Variants in DNAH17 observed in about 807,000 individuals in gnomAD.
DNAH17 encodes the protein dynein axonemal heavy chain 17.
In DNAH17, 376 loss-of-function variants were observed where a neutral mutation model predicts 485.6. The ratio of observed to expected loss-of-function variants is 0.77; its 90% confidence interval spans 0.71 to 0.84. The LOEUF (loss-of-function observed/expected upper bound fraction) is 0.84, where lower values mean the gene tolerates loss of function less well. DNAH17 is among the 40% of genes least tolerant of loss of function. The probability of loss-of-function intolerance (pLI) is 0.00; values close to 1 mark genes in which losing one functional copy is unlikely to be tolerated. For synonymous variants in DNAH17, 3,031 were observed against 2,405.9 expected (o/e 1.26, Z -7.60); for missense variants, 6,370 against 5,839.3 (o/e 1.09, Z -2.96).
At chr17:78,466,284 C>T (rs564969452) in intron 56 of DNAH17, among the ~76,000 whole-genome samples, 6 of 152,274 alleles carry the variant, frequency 3.9e-5, no homozygotes, top group Admixed American at 1.3e-4. Context: ...CCCAGGGACA[C>T]AAACACTGCC....
intron 69 of DNAH17, among the ~76,000 whole-genome samples, chr17:78,446,358 C>T (rs2087300210): frequency 6.6e-6 from 1 of 152,026 alleles, no homozygotes; most frequent in Admixed American, 6.6e-5. Flanking sequence ...GAGAGCTGCT[C>T]ATCTGCCTTC....
intron 17 of DNAH17, among the ~76,000 whole-genome samples, chr17:78,542,429 T>A (rs1185244857): frequency 1.3e-5 from 2 of 152,192 alleles, no homozygotes; most frequent in African/African-American, 4.8e-5. Flanking sequence ...ACTACCAGCG[T>A]GAGCCACTAC....
intron 16 of DNAH17, among the ~76,000 whole-genome samples, chr17:78,549,847 ACCTGCTGCGGCC>A (rs1466144827): frequency 6.6e-6 from 1 of 152,074 alleles, no homozygotes; most frequent in Non-Finnish European, 1.5e-5. Context: ...GAGACCCTGC[ACCTGCTGCGGCC>A]CCTGCTGAAG....
At position 78,502,962 on chromosome 17, in the gene DNAH17, C is replaced by T. The variant is rs747387508; in HGVS notation, c.5006G>A (p.Arg1669Gln). ...RVLDRMCSTLRHEIPEAVVTY... is the reference protein window; with the variant it reads ...RVLDRMCSTLQHEIPEAVVTY... ...CACCACGGCCTCTGGGATTTCGTGC[C>T]GGAGGGTAGAGCACATTCGGTCCAG... The change falls in exon 32 of 81, where the codon CGG (arginine) becomes CAG (glutamine). Residue 1669 changes from arginine (R) to glutamine (Q), a missense_variant. Transcript: ENST00000389840. 1.5e-5 allele frequency: 24 copies of T among 1,613,738 alleles called. No homozygotes were observed. Among genetic ancestry groups the T allele is most frequent in the Middle Eastern group, 1.6e-4 (1 of 6,084 alleles).
intron 31 of DNAH17, among the ~76,000 whole-genome samples, chr17:78,503,287 C>G (rs974568997): frequency 1.4e-4 from 21 of 148,412 alleles, no homozygotes; most frequent in Non-Finnish European, 2.5e-4. Context: ...TCACGCCATT[C>G]TCCTGCCTCA....
chr17:78,426,344 C>G (rs1175921412), intron 79 of DNAH17, 113 bp downstream of exon 79: 6 of 1,301,378 alleles, frequency 4.6e-6, no homozygotes, highest in Middle Eastern at 5.3e-4. Flanking sequence ...AGAGGACAGG[C>G]CCCCAGGAGC....
At position 78,423,987 on chromosome 17, in the gene DNAH17, A is replaced by G; in HGVS notation, c.13308T>C (p.Tyr4436=). The G allele has an allele frequency of 6.2e-7, 1 of 1,614,018 alleles. No homozygotes were observed. The highest frequency in any genetic ancestry group is 8.5e-7 in the Non-Finnish European group (1 of 1,179,882). Residue 4436 remains tyrosine (Y), a synonymous_variant, in exon 81 of 81, where the codon TAT becomes TAC. Coordinates refer to ENST00000389840, the MANE Select transcript of DNAH17 (RefSeq NM_173628.4). ...VYKTRIRGPT[Y]VWTFNLKTKE... ...TGGTCTTCAAGTTAAAGGTCCAGAC[A>G]TAGGTGGGGCCGCGGATGCGTGTTT...
At chr17:78,545,906 TTAA>T (rs1232962878) in intron 16 of DNAH17, among the ~76,000 whole-genome samples, 1 of 152,182 alleles carries the variant, frequency 6.6e-6, no homozygotes, top group Non-Finnish European at 1.5e-5. Context: ...TCTTTGCTGA[TTAA>T]TATTTTATGT....
chr17:78,567,937 G>C (rs1177411571), intron 9 of DNAH17, among the ~76,000 whole-genome samples: 1 of 152,166 alleles, frequency 6.6e-6, no homozygotes, highest in Non-Finnish European at 1.5e-5. Flanking sequence ...TTAGACTGGA[G>C]ATCTTCCTGT....
intron 25 of DNAH17, among the ~76,000 whole-genome samples, chr17:78,524,732 G>C (rs1454864310): frequency 6.6e-6 from 1 of 152,134 alleles, no homozygotes; most frequent in Non-Finnish European, 1.5e-5. Context: ...GAGAGAGAAT[G>C]AGAGGAGGAG....
chr17:78,501,500 C>T (rs1046146247), intron 34 of DNAH17, 156 bp from the exon 35 acceptor site: 10 of 1,026,866 alleles, frequency 9.7e-6, no homozygotes, highest in African/African-American at 3.2e-5. Flanking sequence ...ACTGTATGGC[C>T]ACCCTCAGTG....
chr17:78,483,586 C>T lies in DNAH17; in HGVS notation c.7649+1282G>A, dbSNP rs1016685282. Among the ~76,000 whole-genome samples the T allele has an allele frequency of 7.9e-5, 12 of 151,380 alleles. 1 individual carries two copies. In the South Asian group the frequency reaches 8.4e-4, roughly 11 times the overall value. ...CAGAGGTTGCAGTGAGCCAAGATCA[C>T]GCCATTGGACTCCAGCCTGGGCAGC... On this transcript the variant is annotated intron_variant, in intron 48 of 80. Transcript: ENST00000389840.
chr17:78,447,352 T>C lies in DNAH17; in HGVS notation c.11212-1672A>G, dbSNP rs531099220. On this transcript the variant is annotated intron_variant, in intron 69 of 80. Transcript: ENST00000389840. ...TGCCCAGAAGTGGAAGCCTGGGTCA[T>C]ATTCCATGCCATCTTGTCGCTTGTG... Among the ~76,000 whole-genome samples, 34 of 152,334 alleles carry C rather than the reference T, an allele frequency of 2.2e-4. 1 individual carries two copies. Among genetic ancestry groups the C allele is most frequent in the African/African-American group, 8.2e-4 (34 of 41,594 alleles).
At position 78,501,245 on chromosome 17, in the gene DNAH17, G is replaced by A; in HGVS notation, c.5422C>T (p.Gln1808Ter). Residue 1808 changes from glutamine (Q) to a stop codon, truncating the protein, a stop_gained, in exon 35 of 81, where the codon CAG becomes TAG. Coordinates refer to ENST00000389840, the MANE Select transcript of DNAH17 (RefSeq NM_173628.4). LOFTEE classifies it high-confidence loss of function. ...TTGCCCAGATACTCATAGGAATACT[G>A]GATTTGGGCATCGCAGATGTTGGCA... ...CFANICDAQI[Q>*]YSYEYLGNTP... 3 of 1,608,568 alleles carry A rather than the reference G, an allele frequency of 1.9e-6. No homozygotes were observed. Among genetic ancestry groups the A allele is most frequent in the Non-Finnish European group, 1.7e-6 (2 of 1,175,558 alleles).
At position 78,450,661 on chromosome 17, in the gene DNAH17, C is replaced by T. The variant is rs199845506; in HGVS notation, c.10899+21G>A. On this transcript the variant is annotated intron_variant, in intron 67 of 80. Coordinates refer to ENST00000389840, the MANE Select transcript of DNAH17 (RefSeq NM_173628.4). ...CTCCCAAGCCCTGGCTGCCAGGGCA[C>T]GTCACCGAGGCAGCTCTGACCTTCT... The T allele has an allele frequency of 2.1e-3, 3,404 of 1,602,428 alleles. 6 individuals carry two copies. The highest frequency in any genetic ancestry group is 2.5e-3 in the African/African-American group (185 of 74,778).
intron 25 of DNAH17, 83 bp from the exon 26 acceptor site, chr17:78,515,105 C>T (rs1441138672): frequency 2.0e-6 from 3 of 1,519,514 alleles, no homozygotes. Context: ...TCTGCACTTA[C>T]TCGCAGGGAG....
rs2088397574 is a variant in DNAH17, at chr17:78,465,636, G to T, written c.8940+1019C>A. ...GCCCGGCCGAGACCCCGTCTGGGAG[G>T]TGAGGAGCGTCTCTGCCTGGCCGCC... On this transcript the variant is annotated intron_variant, in intron 56 of 80. Coordinates refer to ENST00000389840, the MANE Select transcript of DNAH17 (RefSeq NM_173628.4). Among the ~76,000 whole-genome samples, 5 of 151,700 alleles carry T rather than the reference G, an allele frequency of 3.3e-5. 1 individual carries two copies. Among genetic ancestry groups the T allele is most frequent in the African/African-American group, 1.2e-4 (5 of 41,218 alleles).
At chr17:78,544,044 C>T in intron 16 of DNAH17, 47 bp from the exon 17 acceptor site, 1 of 1,612,132 alleles carries the variant, frequency 6.2e-7, no homozygotes, top group Non-Finnish European at 8.5e-7. Flanking sequence ...GGAGAAACTG[C>T]TTTCAGTCGC....
chr17:78,495,165 C>T, intron 38 of DNAH17, 68 bp from the exon 39 acceptor site: 1 of 1,499,834 alleles, frequency 6.7e-7, no homozygotes, highest in Non-Finnish European at 8.9e-7. Context: ...CTGCCTGTCC[C>T]TCTTCACCTA....
Sources: gnomAD v4.1 joint callset for allele counts (sites outside exome capture counted in the v4.1 genomes callset) on GRCh38, gnomAD v4.1.1 for gene constraint, MANE v1.5 for transcripts, NCBI Gene and HGNC (gene_info 2026-07-23, HGNC 2026-07-21) for gene names.